Variants in KIRREL3 observed in about 807,000 individuals in gnomAD.
KIRREL3 encodes kin of IRRE-like protein 3.
Under a neutral mutation model 89.7 loss-of-function variants are expected in KIRREL3, and 36 were observed. The observed-to-expected ratio is 0.40, with a 90% confidence interval of 0.31 to 0.53. KIRREL3 has a LOEUF of 0.53. Among genes scored for constraint, KIRREL3 ranks in the 20% least tolerant of loss-of-function variants. KIRREL3 has a pLI of 0.49. For missense variants in KIRREL3, 864 were observed against 1,056.6 expected, an observed-to-expected ratio of 0.82 and a Z score of 2.53; for synonymous variants, 445 against 441.4, an observed-to-expected ratio of 1.01 and a Z score of -0.10.
At chr11:126,549,411 C>T (rs1939078457) in intron 2 of KIRREL3, 1 of 152,216 alleles carries the variant, frequency 6.6e-6, no homozygotes, top group Non-Finnish European at 1.5e-5. Context: ...CATGAGCACT[C>T]TGTGGAGGTG....
intron 1 of KIRREL3, among the ~76,000 whole-genome samples, chr11:126,944,721 C>A (rs1948568084): frequency 6.6e-6 from 1 of 152,198 alleles, no homozygotes. Flanking sequence ...GAGAGTGACA[C>A]CAGCCTTCCC....
intron 1 of KIRREL3, among the ~76,000 whole-genome samples, chr11:126,600,903 AG>A (rs1234243478): frequency 1.3e-5 from 2 of 152,086 alleles, no homozygotes; most frequent in Non-Finnish European, 2.9e-5. Context: ...GTCACCCATC[AG>A]TTTTGTCCAT....
chr11:126,881,525 A>C (rs1945494596), intron 1 of KIRREL3, among the ~76,000 whole-genome samples: 1 of 152,088 alleles, frequency 6.6e-6, no homozygotes, highest in East Asian at 1.9e-4. Flanking sequence ...GTTTTTCTTA[A>C]AGCTCTTAAT....
Position 126,694,456 on chromosome 11 carries a change from AAAAT to A in KIRREL3, c.56-131548_56-131545del, listed in dbSNP as rs1356417065. 1.3e-5 allele frequency among the ~76,000 whole-genome samples: 2 copies of A among 152,124 alleles called. No homozygotes were observed. The highest frequency in any genetic ancestry group is 2.9e-5 in the Non-Finnish European group (2 of 68,030). Reference sequence around the variant, plus strand: ...CCGTGACATTTAAAAGTGGGGAAGGAAAATACTGCAGAGGAAGCAGGGCGAGCGT... The same window carrying A: ...CCGTGACATTTAAAAGTGGGGAAGGAACTGCAGAGGAAGCAGGGCGAGCGT... On this transcript the variant is annotated intron_variant, in intron 1 of 16. Coordinates refer to ENST00000525144, the MANE Select transcript of KIRREL3 (RefSeq NM_032531.4). This position sits in a 1 kb window ranked among gnomAD's most constrained non-coding sequence, Gnocchi z 4.4.
In KIRREL3 at chr11:126,492,170, T is replaced by C. The variant is rs1168293917; in HGVS notation, c.434-18704A>G. Reference sequence around the variant, plus strand: ...ACCGAGGAACTGGGAGGATGATCTATAGACAGTCTCCTCTTCACTGAAAGG... The same window carrying C: ...ACCGAGGAACTGGGAGGATGATCTACAGACAGTCTCCTCTTCACTGAAAGG... On this transcript the variant is annotated intron_variant, in intron 4 of 16. Coordinates refer to ENST00000525144, the MANE Select transcript of KIRREL3 (RefSeq NM_032531.4). The surrounding 1 kb of genome is among the most constrained non-coding windows in gnomAD (Gnocchi z 4.8). Among the ~76,000 whole-genome samples, 2 of 152,174 alleles carry C rather than the reference T, an allele frequency of 1.3e-5. No homozygotes were observed. Among genetic ancestry groups the C allele is most frequent in the South Asian group, 2.1e-4 (1 of 4,832 alleles).
At chr11:126,596,247 C>T (rs533983538) in intron 1 of KIRREL3, among the ~76,000 whole-genome samples, 84 of 152,068 alleles carry the variant, frequency 5.5e-4, no homozygotes, top group African/African-American at 1.8e-3. Context: ...TGTTCACTGC[C>T]GCATCCTTAG....
At chr11:126,702,042 AG>A (rs1947332881) in intron 1 of KIRREL3, among the ~76,000 whole-genome samples, 1 of 152,220 alleles carries the variant, frequency 6.6e-6, no homozygotes, top group African/African-American at 2.4e-5. Flanking sequence ...TGAGTAAAGC[AG>A]AATGGCTGTG....
intron 1 of KIRREL3, among the ~76,000 whole-genome samples, chr11:126,706,374 C>T (rs1021706784): frequency 1.3e-5 from 2 of 152,114 alleles, no homozygotes; most frequent in Admixed American, 6.5e-5. Flanking sequence ...GGAAAGTGTA[C>T]TGGGGACATG....
At position 126,685,190 on chromosome 11, in the gene KIRREL3, G is replaced by A. The variant is rs1035658669; in HGVS notation, c.56-122278C>T. Among the ~76,000 whole-genome samples the A allele has an allele frequency of 1.3e-5, 2 of 152,208 alleles. No individual in the cohort carries two copies. The highest frequency in any genetic ancestry group is 4.8e-5 in the African/African-American group (2 of 41,456). On this transcript the variant is annotated intron_variant, in intron 1 of 16. Coordinates refer to ENST00000525144, the MANE Select transcript of KIRREL3 (RefSeq NM_032531.4). The surrounding 1 kb of genome is among the most constrained non-coding windows in gnomAD (Gnocchi z 5.5). ...AAGGATTGAGAGGTGTGCTCAAGAT[G>A]TGCTGAGAGCAGAGGATAGCCCCAG...
At position 126,474,697 on chromosome 11, in the gene KIRREL3, G is replaced by A. The variant is rs919552403; in HGVS notation, c.434-1231C>T. On this transcript the variant is annotated intron_variant, in intron 4 of 16. Transcript: ENST00000525144. The surrounding 1 kb of genome is among the most constrained non-coding windows in gnomAD (Gnocchi z 6.7). Reference sequence around the variant, plus strand: ...GCCAGGAAGAGGGCCATCCGCGTCGGAGCACGGTCTCCGCAGTGCCCAGCA... The same window carrying A: ...GCCAGGAAGAGGGCCATCCGCGTCGAAGCACGGTCTCCGCAGTGCCCAGCA... Among the ~76,000 whole-genome samples the A allele has an allele frequency of 7.2e-5, 11 of 152,250 alleles. No individual in the cohort carries two copies. The highest frequency in any genetic ancestry group is 2.7e-4 in the African/African-American group (11 of 41,464).
In KIRREL3 at chr11:126,669,329, C is replaced by T. The variant is rs575829050; in HGVS notation, c.56-106417G>A. On this transcript the variant is annotated intron_variant, in intron 1 of 16. Transcript: ENST00000525144. This position sits in a 1 kb window ranked among gnomAD's most constrained non-coding sequence, Gnocchi z 5.0. ...TTTCAAACACGTGCAAGATCTTCCT[C>T]CTTCCCTGAGACACTTACCTCTCCT... Among the ~76,000 whole-genome samples the T allele has an allele frequency of 3.3e-5, 5 of 152,304 alleles. No homozygotes were observed. Among genetic ancestry groups the T allele is most frequent in the Admixed American group, 3.3e-4 (5 of 15,300 alleles).
chr11:126,480,088 G>A (rs551031206), intron 4 of KIRREL3, among the ~76,000 whole-genome samples: 1 of 152,304 alleles, frequency 6.6e-6, no homozygotes, highest in East Asian at 1.9e-4. Context: ...TCTCCCAGCA[G>A]AGTGCCTGCC....
At chr11:126,437,483 A>C (rs558642769) in intron 11 of KIRREL3, among the ~76,000 whole-genome samples, 1 of 152,050 alleles carries the variant, frequency 6.6e-6, no homozygotes, top group Non-Finnish European at 1.5e-5. Context: ...ATGCATATGC[A>C]AGTACATGTA....
In KIRREL3 at chr11:126,724,280, T is replaced by A. The variant is rs1003117930; in HGVS notation, c.56-161368A>T. On this transcript the variant is annotated intron_variant, in intron 1 of 16. Coordinates refer to ENST00000525144, the MANE Select transcript of KIRREL3 (RefSeq NM_032531.4). The surrounding 1 kb of genome is among the most constrained non-coding windows in gnomAD (Gnocchi z 4.3). ...TCCTGTCTCCTGCAGGTTGGTTCAT[T>A]TTCTTTCAAACACCTGTGCTGTAAT... 2.0e-5 allele frequency among the ~76,000 whole-genome samples: 3 copies of A among 152,208 alleles called. No individual in the cohort carries two copies. The South Asian group carries it at 6.2e-4, about 32-fold the overall frequency.
rs887426325 is a variant in KIRREL3 at position 126,830,011 on chromosome 11, C to T, written c.55+170444G>A. Among the ~76,000 whole-genome samples the T allele has an allele frequency of 4.6e-5, 7 of 152,046 alleles. No individual in the cohort carries two copies. On this transcript the variant is annotated intron_variant, in intron 1 of 16. Coordinates refer to ENST00000525144, the MANE Select transcript of KIRREL3 (RefSeq NM_032531.4). The surrounding 1 kb of genome is among the most constrained non-coding windows in gnomAD (Gnocchi z 4.9). Reference sequence around the variant, plus strand: ...CAATCTGCCTCTTTTGTTTTTCTTCCAGACTAAACCTTTCAAGGTACAAAA... The same window carrying T: ...CAATCTGCCTCTTTTGTTTTTCTTCTAGACTAAACCTTTCAAGGTACAAAA...
chr11:126,732,468 G>A (rs905809993), intron 1 of KIRREL3, among the ~76,000 whole-genome samples: 2 of 152,074 alleles, frequency 1.3e-5, no homozygotes, highest in African/African-American at 4.8e-5. Context: ...AAACCCTAGC[G>A]CTCTCTGGTC....
chr11:126,805,181 A>G lies in KIRREL3; in HGVS notation c.55+195274T>C, dbSNP rs1328505327. Among the ~76,000 whole-genome samples the G allele has an allele frequency of 6.6e-6, 1 of 152,220 alleles. No individual in the cohort carries two copies. The highest frequency in any genetic ancestry group is 2.4e-5 in the African/African-American group (1 of 41,450). Reference sequence around the variant, plus strand: ...TAATGTATTAAGGTAACATCTTTGTATTCAGATTAATCCCTTCATAAATTA... The same window carrying G: ...TAATGTATTAAGGTAACATCTTTGTGTTCAGATTAATCCCTTCATAAATTA... On this transcript the variant is annotated intron_variant, in intron 1 of 16. Transcript: ENST00000525144. The surrounding 1 kb of genome is among the most constrained non-coding windows in gnomAD (Gnocchi z 4.3).
intron 2 of KIRREL3, among the ~76,000 whole-genome samples, chr11:126,547,837 G>A (rs1938935848): frequency 6.6e-6 from 1 of 152,114 alleles, no homozygotes; most frequent in Non-Finnish European, 1.5e-5. Flanking sequence ...CCCTATCCTC[G>A]TCGCCCAGAC....
At chr11:126,670,553 C>A (rs1014352821) in intron 1 of KIRREL3, among the ~76,000 whole-genome samples, 6 of 152,064 alleles carry the variant, frequency 3.9e-5, no homozygotes, top group South Asian at 2.1e-4. Context: ...ACATAAAAAA[C>A]CCAAAGAATC....
Sources: allele counts gnomAD v4.1 joint callset (sites outside exome capture counted in the v4.1 genomes callset), GRCh38; gene constraint gnomAD v4.1.1; non-coding constraint Gnocchi (gnomAD v3.1); transcripts MANE v1.5; gene names NCBI Gene and HGNC (gene_info 2026-07-23, HGNC 2026-07-21).